The following CYP2J2 variants were observed in gnomAD, a reference collection of about 807,000 sequenced individuals.
CYP2J2 encodes cytochrome P450 2J2.
A neutral mutation model predicts 48.8 loss-of-function variants in CYP2J2; 41 were observed. The ratio of observed to expected loss-of-function variants is 0.84; its 90% CI spans 0.66 to 1.09. The LOEUF is 1.09. Among genes scored for constraint, CYP2J2 ranks in the 50% least tolerant of loss-of-function variants. The pLI, the probability that CYP2J2 is intolerant of heterozygous loss-of-function variation, is 0.00. For missense variants in CYP2J2, 644 were observed against 617.3 expected, an observed-to-expected ratio of 1.04 and a Z score of -0.46; for synonymous variants, 221 against 227.1, an observed-to-expected ratio of 0.97 and a Z score of 0.24.
chr1:59,963,576 C>T, the CYP2J2 span, among the ~76,000 whole-genome samples: 1 of 152,148 alleles, frequency 6.6e-6, no homozygotes, highest in African/African-American at 2.4e-5. Flanking sequence ...TTGTGTTGGT[C>T]CATTTATCTA....
rs1386276815 is a variant in CYP2J2, at chr1:59,911,718, T to C, written c.574A>G (p.Ile192Val). The C allele has an allele frequency of 9.3e-6, 15 of 1,613,482 alleles. No homozygotes were observed. The Admixed American group carries it at 1.3e-4, about 14-fold the overall frequency. The change falls in exon 4 of 9, where the codon ATT becomes GTT. Residue 192 changes from isoleucine (I) to valine (V), a missense_variant. Physicochemically the swap from Ile to Val is conservative, Grantham distance 29 (BLOSUM62 3). Transcript: ENST00000371204. The part of the protein sequence containing the change: ...FKINNAVSNI[I>V]CSITFGERFE... ...CGTTCTCCGAAGGTGATGGAGCAAA[T>C]GATATTGGAAACTGCATTGTTGATC...
chr1:59,936,725 C>T, the CYP2J2 span, among the ~76,000 whole-genome samples: 1 of 152,270 alleles, frequency 6.6e-6, no homozygotes, highest in East Asian at 1.9e-4. Flanking sequence ...TCTGCACAAA[C>T]ATCAAGGGCC....
At position 59,915,996 on chromosome 1, in the gene CYP2J2, G is replaced by T; in HGVS notation, c.315C>A (p.Asp105Glu). The T allele has an allele frequency of 6.2e-7, 1 of 1,614,006 alleles. No homozygotes were observed. The highest frequency in any genetic ancestry group is 1.1e-5 in the South Asian group (1 of 91,068). ...PLIKEALIHMDQNFGNRPVTP... is the reference protein window; with the variant it reads ...PLIKEALIHMEQNFGNRPVTP... ...TCACGGGGCGGTTCCCAAAGTTTTGGTCCATGTGGATAAGGGCTTCTTTGA... is the reference window on the plus strand; with the variant it reads ...TCACGGGGCGGTTCCCAAAGTTTTGTTCCATGTGGATAAGGGCTTCTTTGA... Residue 105 changes from aspartate (D) to glutamate (E), a missense_variant, in exon 2 of 9, where the codon GAC becomes GAA. Physicochemically the swap from Asp to Glu is conservative, Grantham distance 45. Transcript: ENST00000371204.
chr1:59,954,573 T>C, the CYP2J2 span, among the ~76,000 whole-genome samples: 2 of 133,534 alleles, frequency 1.5e-5, no homozygotes, highest in Non-Finnish European at 3.1e-5. Flanking sequence ...TAATATATCC[T>C]CAGTCTTGGT....
chr1:59,924,119 G>A (rs1243712534), intron 1 of CYP2J2, among the ~76,000 whole-genome samples: 2 of 152,132 alleles, frequency 1.3e-5, no homozygotes. Flanking sequence ...TTTCTTAACA[G>A]AAACCACAGA....
intron 8 of CYP2J2, among the ~76,000 whole-genome samples, chr1:59,896,431 T>G (rs1320016631): frequency 6.6e-6 from 1 of 152,102 alleles, no homozygotes; most frequent in Admixed American, 6.6e-5. Flanking sequence ...GTAGATTACA[T>G]CAGATTCCAA....
In CYP2J2 at chr1:59,894,815, C is replaced by CA. The variant is rs572814784; in HGVS notation, c.1331-987dup. On this transcript the variant is annotated intron_variant, in intron 8 of 8. Coordinates refer to ENST00000371204, the MANE Select transcript of CYP2J2 (RefSeq NM_000775.4). Reference sequence around the variant, plus strand: ...TTATTAACTTGATCTGGTTAATTCTCAAAAAACAGGAGAATACAATTTAAA... The same window carrying CA: ...TTATTAACTTGATCTGGTTAATTCTCAAAAAAACAGGAGAATACAATTTAAA... Among the ~76,000 whole-genome samples, 692 of 152,112 alleles carry CA rather than the reference C, an allele frequency of 4.5e-3. 4 individuals carry two copies. Among genetic ancestry groups the CA allele is most frequent in the African/African-American group, 0.016 (662 of 41,510 alleles).
At chr1:59,943,046 A>G in the CYP2J2 span, among the ~76,000 whole-genome samples, 2 of 152,218 alleles carry the variant, frequency 1.3e-5, no homozygotes, top group Admixed American at 1.3e-4. Flanking sequence ...AAATGAAAGG[A>G]GAACAGGTTT....
Position 59,893,567 on chromosome 1 carries a change from C to T in CYP2J2, c.*84G>A. On this transcript the variant is annotated 3_prime_UTR_variant, in exon 9 of 9. Coordinates refer to ENST00000371204, the MANE Select transcript of CYP2J2 (RefSeq NM_000775.4). Reference sequence around the variant, plus strand: ...TCTTGAAAGTCACTTTCATTTTGTCCCAACACATCTGAGCAGACACCAGTG... The same window carrying T: ...TCTTGAAAGTCACTTTCATTTTGTCTCAACACATCTGAGCAGACACCAGTG... The T allele has an allele frequency of 2.9e-6, 3 of 1,028,788 alleles. No homozygotes were observed. Among genetic ancestry groups the T allele is most frequent in the South Asian group, 2.3e-5 (1 of 42,688 alleles). The allele number at this position is 1,028,788 out of a possible 1,614,324, so 63.7% of individuals were successfully genotyped here. A position where few individuals can be genotyped will look rare whatever the true frequency, so the allele number is the denominator to read the frequency against.
At chr1:59,925,641 A>G (rs1039410837) in intron 1 of CYP2J2, among the ~76,000 whole-genome samples, 1 of 152,238 alleles carries the variant, frequency 6.6e-6, no homozygotes, top group African/African-American at 2.4e-5. Flanking sequence ...TAGTATTACC[A>G]ATTGGGTATT....
chr1:59,914,884 A>G (rs1644450622), intron 2 of CYP2J2, among the ~76,000 whole-genome samples: 1 of 152,148 alleles, frequency 6.6e-6, no homozygotes, highest in Admixed American at 6.5e-5. Context: ...TTGGGAATGG[A>G]ATGTTTCGGT....
At chr1:59,956,472 CTCTTT>C in the CYP2J2 span, among the ~76,000 whole-genome samples, 5 of 152,126 alleles carry the variant, frequency 3.3e-5, no homozygotes, top group Non-Finnish European at 5.9e-5. Context: ...GGACTCTCTT[CTCTTT>C]TTTCAATGTT....
At position 59,907,887 on chromosome 1, in the gene CYP2J2, A is replaced by C; in HGVS notation, c.902T>G (p.Leu301Arg). Residue 301 changes from leucine (L) to arginine (R), a missense_variant, in exon 6 of 9, where the codon CTC becomes CGC. Transcript: ENST00000371204. Reference sequence around the variant, plus strand: ...GAAGAGGTCCAGGGTGCTGCAGATGAGGTTTTCTTCATGGAAACTTGAAGT... The same window carrying C: ...GAAGAGGTCCAGGGTGCTGCAGATGCGGTTTTCTTCATGGAAACTTGAAGT... ...NPTSSFHEEN[L>R]ICSTLDLFFA... The C allele has an allele frequency of 6.2e-7, 1 of 1,614,038 alleles. No individual in the cohort carries two copies.
chr1:59,926,284 C>G (rs1341964552), intron 1 of CYP2J2, among the ~76,000 whole-genome samples: 1 of 152,110 alleles, frequency 6.6e-6, no homozygotes, highest in African/African-American at 2.4e-5. Context: ...GTAAGGTGTT[C>G]CAGTAATGTT....
chr1:59,912,851 C>G (rs1456689914), intron 2 of CYP2J2: 1 of 152,364 alleles, frequency 6.6e-6, no homozygotes, highest in East Asian at 1.9e-4. Context: ...CCTATCTAAC[C>G]TGGACATTAA....
At chr1:59,936,224 A>G in the CYP2J2 span, among the ~76,000 whole-genome samples, 1 of 152,366 alleles carries the variant, frequency 6.6e-6, no homozygotes, top group Admixed American at 6.5e-5. Flanking sequence ...AGATTAGGAA[A>G]CTGAAGTTTG....
intron 7 of CYP2J2, among the ~76,000 whole-genome samples, chr1:59,902,207 C>A (rs1286616625): frequency 6.6e-6 from 1 of 151,662 alleles, no homozygotes; most frequent in East Asian, 1.9e-4. Flanking sequence ...CCTTCCCTGA[C>A]CACTCCTGCT....
chr1:59,962,838 T>C, the CYP2J2 span, among the ~76,000 whole-genome samples: 1 of 152,174 alleles, frequency 6.6e-6, no homozygotes, highest in Non-Finnish European at 1.5e-5. Context: ...GGCTCTACTA[T>C]AGAGTAAACA....
chr1:59,901,210 G>A, intron 7 of CYP2J2, 107 bp from the exon 8 acceptor site: 1 of 1,155,986 alleles, frequency 8.7e-7, no homozygotes, highest in Non-Finnish European at 1.2e-6. Context: ...TGAACATACT[G>A]CCCCACCCTC....
Sources: gnomAD v4.1 joint callset for allele counts (sites outside exome capture counted in the v4.1 genomes callset) on GRCh38, gnomAD v4.1.1 for gene constraint, MANE v1.5 for transcripts, NCBI Gene and HGNC (gene_info 2026-07-23, HGNC 2026-07-21) for gene names.